IGFN1: variants seen among roughly 807,000 people sequenced by gnomAD.
The protein encoded by IGFN1 is immunoglobulin like and fibronectin type III domain containing 1.
Under a neutral mutation model 289.5 loss-of-function variants are expected in IGFN1, and 253 were observed. The ratio of observed to expected loss-of-function variants is 0.87; its 90% CI spans 0.79 to 0.97. IGFN1 has a LOEUF of 0.97. Ranked by LOEUF, IGFN1 falls within the 50% of genes least tolerant of loss-of-function variation. The pLI, the probability that IGFN1 is intolerant of heterozygous loss-of-function variation, is 0.00. For missense variants in IGFN1, 4,470 were observed against 4,686.1 expected, an observed-to-expected ratio of 0.95 and a Z score of 1.35; for synonymous variants, 1,706 against 1,788.5, an observed-to-expected ratio of 0.95 and a Z score of 1.16.
chr1:201,207,432 C>G lies in IGFN1; in HGVS notation c.2539C>G (p.Leu847Val). The G allele has an allele frequency of 6.5e-7, 1 of 1,528,996 alleles. No individual in the cohort carries two copies. The highest frequency in any genetic ancestry group is 1.4e-5 in the African/African-American group (1 of 72,648). 94.7% of individuals were successfully genotyped at this position (1,528,996 alleles called of 1,614,324 possible). ...TCCTTGGGATGACACACCATCTAGC[C>G]TCAGAAAAACTGGGGCCCACCATGG... ...TSPWDDTPSS[L>V]RKTGAHHGPG... Residue 847 changes from leucine to valine, a missense_variant, in exon 12 of 24, where the codon CTC becomes GTC. Leu to Val is a conservative substitution (Grantham distance 32, BLOSUM62 1). Transcript: ENST00000335211.
chr1:201,212,100 A>G lies in IGFN1; in HGVS notation c.7207A>G (p.Lys2403Glu). The G allele has an allele frequency of 6.5e-7, 1 of 1,536,498 alleles. No individual in the cohort carries two copies. The highest frequency in any genetic ancestry group is 2.4e-5 in the East Asian group (1 of 40,918). Residue 2403 changes from lysine (K) to glutamate (E), a missense_variant, in exon 12 of 24, where the codon AAG (lysine) becomes GAG (glutamate). Lys to Glu is a moderately conservative substitution (Grantham distance 56). Transcript: ENST00000335211. The stretch of plus-strand genomic sequence containing the variant: ...AGCATCAGAGGGTGACACGAACTCC[A>G]AGGATGGTCCAGAGCGAGCCAGGGA... ...WVASEGDTNS[K>E]DGPERARETR... is the part of the protein sequence containing the mutation.
At chr1:201,196,651 T>C (rs906788285) in intron 4 of IGFN1, among the ~76,000 whole-genome samples, 8 of 152,222 alleles carry the variant, frequency 5.3e-5, no homozygotes, top group South Asian at 2.1e-4. Flanking sequence ...GGCCAGGAGT[T>C]GTTATGAGGA....
rs1255258321 is a variant in IGFN1 at position 201,207,749 on chromosome 1, A to T, written c.2856A>T (p.Glu952Asp). The T allele has an allele frequency of 2.6e-6, 4 of 1,536,930 alleles. No individual in the cohort carries two copies. The highest frequency in any genetic ancestry group is 2.4e-5 in the South Asian group (2 of 84,044). Reference protein sequence around the residue: ...KDGLEGPGRMESRYEGGLGYS... With the variant: ...KDGLEGPGRMDSRYEGGLGYS... ...GCTTGGAAGGTCCCGGGAGAATGGA[A>T]TCTAGGTACGAGGGTGGCTTAGGAT... The change falls in exon 12 of 24, where the codon GAA becomes GAT. Residue 952 changes from glutamate to aspartate, a missense_variant. Physicochemically the swap from Glu to Asp is conservative, Grantham distance 45. Coordinates refer to ENST00000335211, the MANE Select transcript of IGFN1 (RefSeq NM_001164586.2).
Position 201,206,639 on chromosome 1 carries a change from G to A in IGFN1, c.1746G>A (p.Gly582=). Residue 582 remains glycine, a synonymous_variant, in exon 12 of 24, where the codon GGG becomes GGA. Transcript: ENST00000335211. ...GCAGGGAAGGAAAGGAGCACAGAGG[G>A]GACAGTGGAAGACAACTGGACAGGC... ...GSSREGKEHR[G]DSGRQLDRHA... is the part of the protein sequence containing the mutation. 1 of 1,539,618 alleles carries A rather than the reference G, an allele frequency of 6.5e-7. No homozygotes were observed.
rs1667632967 is a variant in IGFN1, at chr1:201,209,784, G to C, written c.4891G>C (p.Gly1631Arg). 8.0e-7 allele frequency: 1 copy of C among 1,246,240 alleles called. No individual in the cohort carries two copies. Among genetic ancestry groups the C allele is most frequent in the Non-Finnish European group, 1.1e-6 (1 of 907,198 alleles). 77.2% of individuals were successfully genotyped at this position (1,246,240 alleles called of 1,614,324 possible). A position where few individuals can be genotyped will look rare whatever the true frequency, so the allele number is the denominator to read the frequency against. ...TGGTTTAGGGGGTTCTGAAGAAATG[G>C]GGTCAGTGAATAAGGCAGGTTATAG... ...RDGLGGSEEMGSVNKAGYRKD... is the reference protein window; with the variant it reads ...RDGLGGSEEMRSVNKAGYRKD... Residue 1631 changes from glycine (G) to arginine (R), a missense_variant, in exon 12 of 24, where the codon GGG becomes CGG. Transcript: ENST00000335211.
chr1:201,225,448 C>T (rs1654015079), intron 21 of IGFN1, among the ~76,000 whole-genome samples: 1 of 152,082 alleles, frequency 6.6e-6, no homozygotes, highest in African/African-American at 2.4e-5. Flanking sequence ...AAAAAATTAG[C>T]CGAGCGTGGT....
In IGFN1 at chr1:201,205,207, C is replaced by T; in HGVS notation, c.1042C>T (p.Leu348Phe). The change falls in exon 11 of 24, where the codon CTC (leucine) becomes TTC (phenylalanine). Residue 348 changes from leucine to phenylalanine, a missense_variant. By Grantham distance (22) the Leu-to-Phe change is conservative. Coordinates refer to ENST00000335211, the MANE Select transcript of IGFN1 (RefSeq NM_001164586.2). ...AGCCTGGCATTTCCGGCACCGGCTA[C>T]TCCACCCCAGTGACAAATATGAAGT... ...SAAWHFRHRL[L>F]HPSDKYEVYV... 4 of 1,551,214 alleles carry T rather than the reference C, an allele frequency of 2.6e-6. No homozygotes were observed. The Admixed American group carries it at 7.8e-5, about 30-fold the overall frequency.
intron 22 of IGFN1, among the ~76,000 whole-genome samples, chr1:201,226,538 A>G (rs957471118): frequency 5.9e-5 from 9 of 152,054 alleles, no homozygotes; most frequent in African/African-American, 2.2e-4. Flanking sequence ...TTTCATTTTC[A>G]TAAAATACAA....
chr1:201,222,488 C>G (rs1653795677), intron 19 of IGFN1: 2 of 417,306 alleles, frequency 4.8e-6, no homozygotes, highest in South Asian at 1.1e-4. Flanking sequence ...TAGTCCACCC[C>G]TCTCCCTGCA....
At chr1:201,217,793 T>C (rs746019253) in intron 17 of IGFN1, among the ~76,000 whole-genome samples, 5 of 152,332 alleles carry the variant, frequency 3.3e-5, no homozygotes, top group Admixed American at 1.3e-4. Flanking sequence ...GAAGCCCTGA[T>C]TCAGAAATCC....
intron 5 of IGFN1, 107 bp downstream of exon 5, chr1:201,197,424 C>A (rs1247331827): frequency 2.4e-5 from 17 of 721,992 alleles, no homozygotes; most frequent in Non-Finnish European, 3.8e-5. Flanking sequence ...AAGGGAGGCC[C>A]ATCCAGGCTG....
chr1:201,212,500 G>A lies in IGFN1; in HGVS notation c.7607G>A (p.Gly2536Asp). ...CTTGATGGCAAGGGGGCAGTGGAAG[G>A]TGAGACCTGGGCAGGAATGGCTGCT... ...GFLDGKGAVE[G>D]ETWAGMAALG... The change falls in exon 12 of 24, where the codon GGT becomes GAT. Residue 2536 changes from glycine (G) to aspartate (D), a missense_variant. Gly to Asp is a moderately conservative substitution (Grantham distance 94). Transcript: ENST00000335211. 6.5e-7 allele frequency: 1 copy of A among 1,543,468 alleles called. No homozygotes were observed. Among genetic ancestry groups the A allele is most frequent in the Non-Finnish European group, 8.7e-7 (1 of 1,146,860 alleles).
In IGFN1 at chr1:201,214,226, G is replaced by T. The variant is rs747148425; in HGVS notation, c.8778G>T (p.Pro2926=). 4.0e-5 allele frequency: 65 copies of T among 1,612,870 alleles called. No homozygotes were observed. In the South Asian group the frequency reaches 6.3e-4, roughly 16 times the overall value. ...SQGLADMEVQ[P]GEAATLSCTL... ...GCCTGGCTGACATGGAAGTGCAGCC[G>T]GGGGAGGCCGCCACACTCTCCTGTA... The change falls in exon 13 of 24, where the codon CCG becomes CCT. Residue 2926 remains proline (P), a synonymous_variant. Transcript: ENST00000335211.
intron 11 of IGFN1, 28 bp from the exon 12 acceptor site, chr1:201,206,055 C>T: frequency 6.9e-7 from 1 of 1,443,788 alleles, no homozygotes. Flanking sequence ...GGGCACTGAC[C>T]TTCCATATGA....
intron 17 of IGFN1, among the ~76,000 whole-genome samples, chr1:201,218,256 C>CA (rs757116236): frequency 5.3e-5 from 8 of 152,224 alleles, no homozygotes; most frequent in Non-Finnish European, 1.0e-4. Context: ...ATGACAGCAA[C>CA]TCTGTAAGGC....
In IGFN1 at chr1:201,209,855, A is replaced by G. The variant is rs575319232; in HGVS notation, c.4962A>G (p.Ala1654=). 341 of 1,478,844 alleles carry G rather than the reference A, an allele frequency of 2.3e-4. No individual in the cohort carries two copies. The highest frequency in any genetic ancestry group is 3.0e-5 in the Non-Finnish European group (33 of 1,105,642). The allele number at this position is 1,478,844 out of a possible 1,614,324, so 91.6% of individuals were successfully genotyped here. A position where few individuals can be genotyped will look rare whatever the true frequency, so the allele number is the denominator to read the frequency against. ...AGGGAATAGGTTCAGGGAGCAAGGC[A>G]GGTTTTAGGGATGGTTTAGGGAGTT... ...APKGIGSGSK[A]GFRDGLGSSG... Residue 1654 remains alanine, a synonymous_variant, in exon 12 of 24, where the codon GCA becomes GCG. Coordinates refer to ENST00000335211, the MANE Select transcript of IGFN1 (RefSeq NM_001164586.2).
chr1:201,221,976 G>A (rs1383016535), intron 19 of IGFN1: 6 of 388,330 alleles, frequency 1.5e-5, no homozygotes, highest in East Asian at 4.0e-5. Flanking sequence ...TTTTTATTCC[G>A]AAGTTACAGA....
Position 201,226,023 on chromosome 1 carries a change from C to T in IGFN1, c.10686C>T (p.Leu3562=), listed in dbSNP as rs781389215. Residue 3562 remains leucine (L), a synonymous_variant, in exon 22 of 24, where the codon CTC becomes CTT. Transcript: ENST00000335211. ...ACCGCTTCACCCTCCTGGGCATCCT[C>T]CCCGGCCACGAATACCACTTCAGGG... is the stretch of plus-strand genomic sequence containing the variant. ...HTNRFTLLGI[L]PGHEYHFRVV... is the part of the protein sequence containing the mutation. 6 of 1,583,324 alleles carry T rather than the reference C, an allele frequency of 3.8e-6. No homozygotes were observed. The highest frequency in any genetic ancestry group is 2.3e-5 in the East Asian group (1 of 44,012).
chr1:201,193,215 T>C (rs1666734905), intron 1 of IGFN1, 32 bp from the exon 2 acceptor site: 2 of 1,101,102 alleles, frequency 1.8e-6, no homozygotes, highest in African/African-American at 3.1e-5. Context: ...CCAGCCTGGA[T>C]TTCTCAAAAG....
Sources: allele counts gnomAD v4.1 joint callset (sites outside exome capture counted in the v4.1 genomes callset), GRCh38; gene constraint gnomAD v4.1.1; transcripts MANE v1.5; gene names NCBI Gene and HGNC (gene_info 2026-07-23, HGNC 2026-07-21).